CRPPA: variants seen among roughly 807,000 people sequenced by gnomAD.
The protein encoded by CRPPA is D-ribitol-5-phosphate cytidylyltransferase.
CRPPA carries 43 observed loss-of-function variants against 52.0 expected under a neutral mutation model. That is an observed-to-expected ratio of 0.83 (90% CI 0.65 to 1.07). CRPPA has a LOEUF of 1.07. Among genes scored for constraint, CRPPA ranks in the 50% least tolerant of loss-of-function variants. CRPPA has a pLI of 0.00. For missense variants in CRPPA, 629 were observed against 551.7 expected, an observed-to-expected ratio of 1.14 and a Z score of -1.40; for synonymous variants, 250 against 203.5, an observed-to-expected ratio of 1.23 and a Z score of -1.94.
At chr7:16,240,611 ACACT>A (rs1349561265) in intron 8 of CRPPA, among the ~76,000 whole-genome samples, 1 of 145,382 alleles carries the variant, frequency 6.9e-6, no homozygotes, top group Admixed American at 6.9e-5. Flanking sequence ...ATTCACACAC[ACACT>A]ATTCATTTAA....
chr7:16,238,343 AT>A (rs548970343), intron 8 of CRPPA, among the ~76,000 whole-genome samples: 124 of 152,322 alleles, frequency 8.1e-4, no homozygotes, highest in African/African-American at 2.8e-3. Context: ...AAGGGAGAGA[AT>A]AAGATCATTC....
chr7:16,299,203 C>T, intron 5 of CRPPA, among the ~76,000 whole-genome samples: 1 of 151,930 alleles, frequency 6.6e-6, no homozygotes, highest in East Asian at 1.9e-4. Context: ...TTTTTTTAAT[C>T]CAAGAGTTCT....
chr7:16,114,964 A>T (rs975108297), intron 9 of CRPPA, among the ~76,000 whole-genome samples: 2 of 152,148 alleles, frequency 1.3e-5, no homozygotes, highest in Admixed American at 1.3e-4. Flanking sequence ...TCTCCAAAAA[A>T]TAATGAGGCA....
chr7:16,252,215 G>A lies in CRPPA; in HGVS notation c.1119+6175C>T, dbSNP rs555905323. Among the ~76,000 whole-genome samples the A allele has an allele frequency of 6.6e-5, 10 of 151,774 alleles. No homozygotes were observed. The East Asian group carries it at 1.8e-3, about 27-fold the overall frequency. Reference sequence around the variant, plus strand: ...AAAGCCTATCCACTGCAATCAAGTCGGCTTCATCCCTGGGATGCAAGGCTG... The same window carrying A: ...AAAGCCTATCCACTGCAATCAAGTCAGCTTCATCCCTGGGATGCAAGGCTG... On this transcript the variant is annotated intron_variant, in intron 8 of 9. Transcript: ENST00000407010.
chr7:16,394,447 T>C (rs4236288), intron 2 of CRPPA, among the ~76,000 whole-genome samples: 151,830 of 152,264 alleles, frequency 1, 75,699 homozygotes, highest in Middle Eastern at 1. Context: ...AAGAGAAAAG[T>C]GAGACAACAA....
intron 6 of CRPPA, among the ~76,000 whole-genome samples, chr7:16,272,437 C>CA (rs958009030): frequency 1.3e-5 from 2 of 152,138 alleles, no homozygotes; most frequent in Non-Finnish European, 1.5e-5. Flanking sequence ...GTTAACAAAA[C>CA]AATCCTCCCA....
chr7:16,400,791 A>C (rs1189908074), intron 2 of CRPPA, among the ~76,000 whole-genome samples: 1 of 152,234 alleles, frequency 6.6e-6, no homozygotes, highest in Non-Finnish European at 1.5e-5. Context: ...CATGCCCAAC[A>C]TATGCCCAAC....
rs12671281 is a variant in CRPPA at position 16,138,965 on chromosome 7, C to G, written c.1252-47166G>C. Reference sequence around the variant, plus strand: ...TACAGGTGCCCGCCACCACACCCAGCTAATTTTTGTATTTTTAGTAGATAC... The same window carrying G: ...TACAGGTGCCCGCCACCACACCCAGGTAATTTTTGTATTTTTAGTAGATAC... On this transcript the variant is annotated intron_variant, in intron 9 of 9. Coordinates refer to ENST00000407010, the MANE Select transcript of CRPPA (RefSeq NM_001101426.4). 8.0e-3 allele frequency among the ~76,000 whole-genome samples: 1,216 copies of G among 152,192 alleles called. 28 individuals are homozygous for G. In the East Asian group the frequency reaches 0.083, roughly 10 times the overall value.
chr7:16,295,895 G>A (rs1784662931), intron 5 of CRPPA, among the ~76,000 whole-genome samples: 1 of 152,010 alleles, frequency 6.6e-6, no homozygotes, highest in South Asian at 2.1e-4. Context: ...CCAGTGTCTT[G>A]TTGTACCAAT....
intron 3 of CRPPA, among the ~76,000 whole-genome samples, chr7:16,310,506 G>A (rs1367996167): frequency 3.3e-5 from 5 of 152,052 alleles, no homozygotes; most frequent in South Asian, 2.1e-4. Flanking sequence ...CGAGAAAATC[G>A]AAACTGCAAT....
intron 8 of CRPPA, among the ~76,000 whole-genome samples, chr7:16,220,514 G>A (rs1782469683): frequency 1.1e-5 from 1 of 90,266 alleles, no homozygotes; most frequent in Non-Finnish European, 2.2e-5. Context: ...GTCCCTGTTT[G>A]CAGATGACAT....
chr7:16,328,558 A>G (rs1044492593), intron 3 of CRPPA, among the ~76,000 whole-genome samples: 2 of 152,134 alleles, frequency 1.3e-5, no homozygotes, highest in African/African-American at 4.8e-5. Flanking sequence ...TCTGTCACCC[A>G]GGCAGGAGTG....
At chr7:16,215,444 T>TTA in intron 9 of CRPPA, among the ~76,000 whole-genome samples, 1 of 152,236 alleles carries the variant, frequency 6.6e-6, no homozygotes, top group Non-Finnish European at 1.5e-5. Context: ...AAAGAATCTG[T>TTA]AATGGTAGCT....
At position 16,254,812 on chromosome 7, in the gene CRPPA, A is replaced by AGAAC. The variant is rs1783580471; in HGVS notation, c.1119+3577_1119+3578insGTTC. ...AAGAAGGAAAGAAAGAAAGAAAGAA[A>AGAAC]GAAAGAAAGAAAGAAAGAAAGAAAG... On this transcript the variant is annotated intron_variant, in intron 8 of 9. Transcript: ENST00000407010. Among the ~76,000 whole-genome samples, 3 of 147,178 alleles carry AGAAC rather than the reference A, an allele frequency of 2.0e-5. No homozygotes were observed. The South Asian group carries it at 6.4e-4, about 31-fold the overall frequency.
At chr7:16,389,928 A>AAATAT in intron 2 of CRPPA, among the ~76,000 whole-genome samples, 11 of 29,758 alleles carry the variant, frequency 3.7e-4, no homozygotes, top group South Asian at 1.7e-3. Flanking sequence ...AAAAAAAAAA[A>AAATAT]ATATATATAT....
chr7:16,381,002 C>T (rs1787071109), intron 2 of CRPPA, among the ~76,000 whole-genome samples: 1 of 151,354 alleles, frequency 6.6e-6, no homozygotes, highest in Admixed American at 6.6e-5. Context: ...CAGTTCTGCT[C>T]TGATTTTAGT....
intron 9 of CRPPA, among the ~76,000 whole-genome samples, chr7:16,200,240 A>AG (rs1781821037): frequency 6.6e-6 from 1 of 152,212 alleles, no homozygotes; most frequent in Non-Finnish European, 1.5e-5. Flanking sequence ...ATCACCTCTC[A>AG]GGAGTTCTTG....
chr7:16,235,409 C>T (rs1782923390), intron 8 of CRPPA, among the ~76,000 whole-genome samples: 1 of 152,040 alleles, frequency 6.6e-6, no homozygotes, highest in Admixed American at 6.6e-5. Flanking sequence ...GTACTAATAA[C>T]TGTGGCAAAC....
intron 9 of CRPPA, among the ~76,000 whole-genome samples, chr7:16,164,761 C>T (rs968788572): frequency 6.6e-6 from 1 of 152,096 alleles, no homozygotes; most frequent in South Asian, 2.1e-4. Flanking sequence ...TCTAACAGGC[C>T]CCTCTTCTGC....
Sources: allele counts gnomAD v4.1 joint callset (sites outside exome capture counted in the v4.1 genomes callset), GRCh38; gene constraint gnomAD v4.1.1; transcripts MANE v1.5; gene names NCBI Gene and HGNC (gene_info 2026-07-23, HGNC 2026-07-21).